The following NFATC2 variants were observed in gnomAD, a reference collection of about 807,000 sequenced individuals.
NFATC2 encodes nuclear factor of activated T cells 2, also known as nuclear factor of activated T-cells, cytoplasmic 2.
NFATC2 carries 22 observed loss-of-function variants against 87.3 expected under a neutral mutation model. The observed-to-expected ratio is 0.25, with a 90% CI of 0.18 to 0.36. The LOEUF is 0.36. Ranked by LOEUF, NFATC2 falls within the 10% of genes least tolerant of loss-of-function variation. The pLI is 1.00. For synonymous variants in NFATC2, 565 were observed against 542.2 expected (o/e 1.04, Z -0.58); for missense variants, 1,149 against 1,259.1 (o/e 0.91, Z 1.32).
At position 51,402,234 on chromosome 20, in the gene NFATC2, T is replaced by C. The variant is rs376213757; in HGVS notation, c.2723-3504A>G. Among the ~76,000 whole-genome samples the C allele has an allele frequency of 5.3e-5, 8 of 152,352 alleles. No individual in the cohort carries two copies. The East Asian group carries it at 9.6e-4, about 18-fold the overall frequency. ...CTAACCAACTGTGTAAACTCAGACC[T>C]GAACTGCCCATTTCTATTCTCCAAT... is the stretch of plus-strand genomic sequence containing the variant. On this transcript the variant is annotated intron_variant, in intron 9 of 10. Coordinates refer to ENST00000371564, the MANE Select transcript of NFATC2 (RefSeq NM_012340.5).
At chr20:51,540,831 A>G (rs1042299748) in intron 1 of NFATC2, among the ~76,000 whole-genome samples, 5 of 152,006 alleles carry the variant, frequency 3.3e-5, no homozygotes, top group African/African-American at 7.3e-5. Flanking sequence ...GACAAGGAAA[A>G]TAAAAGCTGA....
At chr20:51,398,565 TTA>T (rs1017838883) in intron 10 of NFATC2, 76 bp downstream of exon 10, 91 of 912,150 alleles carry the variant, frequency 1.0e-4, no homozygotes, top group East Asian at 8.9e-4. Context: ...TTCTTATACT[TTA>T]CTTAAAAAAA....
intron 5 of NFATC2, among the ~76,000 whole-genome samples, chr20:51,473,069 G>C (rs1422902433): frequency 1.3e-5 from 2 of 152,186 alleles, no homozygotes; most frequent in African/African-American, 2.4e-5. Flanking sequence ...GTAAGAATGA[G>C]CTCAAAGCTA....
intron 9 of NFATC2, among the ~76,000 whole-genome samples, chr20:51,401,231 G>A (rs1009075279): frequency 6.6e-6 from 1 of 152,136 alleles, no homozygotes; most frequent in Admixed American, 6.5e-5. Flanking sequence ...TTAGCTGGGT[G>A]TGACGGCAGG....
chr20:51,521,634 A>C (rs6063661), intron 2 of NFATC2, among the ~76,000 whole-genome samples: 111,672 of 152,160 alleles, frequency 0.73, 41,308 homozygotes, highest in South Asian at 0.8. Context: ...TTGGGGACTC[A>C]ATTTAATATT....
At chr20:51,426,348 G>A (rs1013787626) in intron 9 of NFATC2, among the ~76,000 whole-genome samples, 1 of 152,064 alleles carries the variant, frequency 6.6e-6, no homozygotes, top group Non-Finnish European at 1.5e-5. Context: ...CGTGCTGGCA[G>A]GCACCTGTAG....
intron 1 of NFATC2, among the ~76,000 whole-genome samples, chr20:51,529,360 T>G (rs546322691): frequency 2.1e-5 from 1 of 46,622 alleles, no homozygotes; most frequent in South Asian, 9.5e-4. Flanking sequence ...AAGCGGCAGT[T>G]TTTTTTTTTT....
intron 5 of NFATC2, among the ~76,000 whole-genome samples, chr20:51,469,259 G>A (rs749989201): frequency 5.9e-5 from 9 of 152,124 alleles, no homozygotes; most frequent in East Asian, 1.9e-4. Context: ...TCAAGCGATC[G>A]TCCGGCCTTA....
intron 6 of NFATC2, among the ~76,000 whole-genome samples, chr20:51,447,067 C>T (rs3787205): frequency 0.1 from 14,067 of 136,760 alleles, 1,046 homozygotes; most frequent in East Asian, 0.35. Context: ...CACAAATTCA[C>T]GGAAAAATAC....
chr20:51,557,836 G>C (rs2076991283), intron 1 of NFATC2, among the ~76,000 whole-genome samples: 1 of 152,212 alleles, frequency 6.6e-6, no homozygotes, highest in Non-Finnish European at 1.5e-5. Context: ...TAGCACTGAA[G>C]ATACAGTGGT....
rs1226484013 is a variant in NFATC2, at chr20:51,389,144, TTGTG to T, written c.*2348_*2351del. The T allele has an allele frequency of 1.3e-5, 2 of 152,158 alleles. No individual in the cohort carries two copies. Among genetic ancestry groups the T allele is most frequent in the African/African-American group, 4.8e-5 (2 of 41,400 alleles). 9.4% of individuals were successfully genotyped at this position (152,158 alleles called of 1,614,324 possible). A position where few individuals can be genotyped will look rare whatever the true frequency, so the allele number is the denominator to read the frequency against. On this transcript the variant is annotated 3_prime_UTR_variant, in exon 11 of 11. Coordinates refer to ENST00000371564, the MANE Select transcript of NFATC2 (RefSeq NM_012340.5). ...GTCTTAGAAAAACAGAGGGGTTTAT[TTGTG>T]TGTGTATTACACACACACACGCGTA...
At chr20:51,419,700 A>T (rs6021191) in intron 9 of NFATC2, among the ~76,000 whole-genome samples, 7,422 of 152,210 alleles carry the variant, frequency 0.049, 485 homozygotes, top group African/African-American at 0.14. Flanking sequence ...CCTTGCAAGC[A>T]CTAACTGCTT....
At chr20:51,452,911 C>T (rs1318815656) in intron 6 of NFATC2, 2 of 154,774 alleles carry the variant, frequency 1.3e-5, no homozygotes, top group Non-Finnish European at 2.9e-5. Flanking sequence ...CCGCAGGTGA[C>T]ACTGCCAGTG....
chr20:51,499,344 G>A (rs758120578), intron 3 of NFATC2, among the ~76,000 whole-genome samples: 2 of 152,152 alleles, frequency 1.3e-5, no homozygotes, highest in Non-Finnish European at 1.5e-5. Context: ...ACCCTACCCC[G>A]AGCCCAGCTC....
chr20:51,490,402 T>C (rs897015504), intron 3 of NFATC2, among the ~76,000 whole-genome samples: 3 of 152,192 alleles, frequency 2.0e-5, no homozygotes, highest in Non-Finnish European at 4.4e-5. Context: ...TCTGTTCCTG[T>C]AGTCTCTAAA....
intron 9 of NFATC2, among the ~76,000 whole-genome samples, chr20:51,402,759 A>G (rs954243954): frequency 1.7e-4 from 26 of 152,318 alleles, no homozygotes; most frequent in African/African-American, 6.3e-4. Flanking sequence ...AGCAGGTGGG[A>G]GCAGTAAGAA....
In NFATC2 at chr20:51,523,269, C is replaced by A; in HGVS notation, c.972G>T (p.Lys324Asn). 6.2e-7 allele frequency: 1 copy of A among 1,613,782 alleles called. No homozygotes were observed. Among genetic ancestry groups the A allele is most frequent in the Non-Finnish European group, 8.5e-7 (1 of 1,179,824 alleles). ...ACACCGGCGAGGGGTCAGGGCTGGT[C>A]TTCCACATCTTGGGGGGGATCCCAC... is the stretch of plus-strand genomic sequence containing the variant. ...SPCGIPPKMW[K>N]TSPDPSPVSA... The change falls in exon 2 of 11, where the codon AAG becomes AAT. Residue 324 changes from lysine (K) to asparagine (N), a missense_variant. By Grantham distance (94) the Lys-to-Asn change is moderately conservative (BLOSUM62 0). This residue lies in a region of NFATC2 where 563 missense variants were observed against 585.2 expected (regional missense o/e 0.96). Transcript: ENST00000371564. The surrounding 1 kb of genome is among the most constrained non-coding windows in gnomAD (Gnocchi z 6.9).
At chr20:51,452,069 T>C (rs1487940136) in intron 6 of NFATC2, among the ~76,000 whole-genome samples, 1 of 152,200 alleles carries the variant, frequency 6.6e-6, no homozygotes, top group African/African-American at 2.4e-5. Flanking sequence ...GGTTGGGGAC[T>C]GCTGGTGCAG....
rs1190447205 is a variant in NFATC2, at chr20:51,393,624, C to T, written c.*45-2173G>A. 4.6e-5 allele frequency among the ~76,000 whole-genome samples: 7 copies of T among 152,182 alleles called. No homozygotes were observed. In the East Asian group the frequency reaches 1.3e-3, roughly 29 times the overall value. Reference sequence around the variant, plus strand: ...GGACTGTCAGCCCAGACCCTCAGTGCTCCCTGCAGGGGTGATAAGCTGACC... The same window carrying T: ...GGACTGTCAGCCCAGACCCTCAGTGTTCCCTGCAGGGGTGATAAGCTGACC... On this transcript the variant is annotated intron_variant, in intron 10 of 10. Transcript: ENST00000371564.
Sources: allele counts gnomAD v4.1 joint callset (sites outside exome capture counted in the v4.1 genomes callset), GRCh38; gene constraint gnomAD v4.1.1; regional missense constraint gnomAD v4.1.1; non-coding constraint Gnocchi (gnomAD v3.1); transcripts MANE v1.5; gene names NCBI Gene and HGNC (gene_info 2026-07-23, HGNC 2026-07-21).